Variants in BRCA1 observed in about 807,000 individuals in gnomAD.
BRCA1 encodes breast cancer type 1 susceptibility protein.
In BRCA1, 140 loss-of-function variants were observed where a neutral mutation model predicts 173.7. The ratio of observed to expected loss-of-function variants is 0.81; its 90% CI spans 0.70 to 0.93. The LOEUF (loss-of-function observed/expected upper bound fraction) is 0.93, where lower values mean the gene tolerates loss of function less well. Ranked by LOEUF, BRCA1 falls within the 40% of genes least tolerant of loss-of-function variation. The pLI is 0.00. For synonymous variants in BRCA1, 662 were observed against 756.0 expected (o/e 0.88, Z 2.04); for missense variants, 1,983 against 2,172.5 (o/e 0.91, Z 1.73).
rs80357137 is a variant in BRCA1 at position 43,074,472 on chromosome 17, T to A, written c.4534A>T (p.Ser1512Cys). 1 of 1,614,032 alleles carries A rather than the reference T, an allele frequency of 6.2e-7. No homozygotes were observed. The highest frequency in any genetic ancestry group is 8.5e-7 in the Non-Finnish European group (1 of 1,180,010). Residue 1512 changes from serine to cysteine, a missense_variant, in exon 14 of 23, where the codon AGT (serine) becomes TGT (cysteine). Physicochemically the swap from Ser to Cys is moderately radical, Grantham distance 112 (BLOSUM62 -1). Transcript: ENST00000357654. ...CTATTCTGAAGACTCCCAGAGCAAC[T>A]GTGCATGTACCACCTATCATCTAAT... ...PSLDDRWYMH[S>C]CSGSLQNRNY...
chr17:43,100,597 A>ATATGT (rs2054365242), intron 6 of BRCA1, among the ~76,000 whole-genome samples: 4 of 80,188 alleles, frequency 5.0e-5, no homozygotes, highest in African/African-American at 1.8e-4. Flanking sequence ...TATATATATT[A>ATATGT]TATATATATA....
intron 19 of BRCA1, among the ~76,000 whole-genome samples, chr17:43,051,730 G>A (rs975086177): frequency 1.4e-4 from 21 of 151,704 alleles, no homozygotes; most frequent in Non-Finnish European, 2.8e-4. Context: ...TCTGCCTCCA[G>A]GGTTCAAGCG....
intron 1 of BRCA1, among the ~76,000 whole-genome samples, chr17:43,165,487 T>TTC (rs1281520120): frequency 6.6e-6 from 1 of 151,742 alleles, no homozygotes; most frequent in African/African-American, 2.4e-5. Context: ...TATAAACTGT[T>TTC]TTTTTTTTCA....
chr17:43,120,615 A>G (rs910899696), intron 2 of BRCA1, among the ~76,000 whole-genome samples: 2 of 151,600 alleles, frequency 1.3e-5, no homozygotes, highest in African/African-American at 2.4e-5. Flanking sequence ...AATACAAAAA[A>G]TTAGCCGGGC....
At chr17:43,077,091 C>T (rs902691071) in intron 12 of BRCA1, among the ~76,000 whole-genome samples, 3 of 151,804 alleles carry the variant, frequency 2.0e-5, no homozygotes, top group South Asian at 2.1e-4. Context: ...TTCTGCATGT[C>T]GGGGGTAAAC....
intron 16 of BRCA1, among the ~76,000 whole-genome samples, chr17:43,066,626 G>A (rs1000629323): frequency 2.6e-5 from 4 of 151,624 alleles, no homozygotes; most frequent in African/African-American, 9.7e-5. Context: ...GGCCAGGCTG[G>A]TCTCGAACTC....
intron 11 of BRCA1, among the ~76,000 whole-genome samples, chr17:43,089,383 C>T (rs565787665): frequency 2.9e-4 from 44 of 152,004 alleles, no homozygotes; most frequent in African/African-American, 1.0e-3. Context: ...CATTTTTAGA[C>T]GTTGTGATAC....
intron 3 of BRCA1, 142 bp downstream of exon 3, chr17:43,115,584 T>C: frequency 1.3e-6 from 1 of 793,972 alleles, no homozygotes; most frequent in South Asian, 1.7e-5. Context: ...ATATACTCTC[T>C]GAGAAAGAAT....
rs2052922572 is a variant in BRCA1 at position 43,079,837 on chromosome 17, T to C, written c.4357+2567A>G. On this transcript the variant is annotated intron_variant, in intron 12 of 22. Coordinates refer to ENST00000357654, the MANE Select transcript of BRCA1 (RefSeq NM_007294.4). ...GGACTGTAAAAAAAAAGAAAAGTCA[T>C]TCTATCACCAGAACATTTAGCATAT... 6 of 691,746 alleles carry C rather than the reference T, an allele frequency of 8.7e-6. No individual in the cohort carries two copies. The South Asian group carries it at 9.8e-5, about 11-fold the overall frequency. 42.9% of individuals were successfully genotyped at this position (691,746 alleles called of 1,614,324 possible).
intron 6 of BRCA1, among the ~76,000 whole-genome samples, chr17:43,101,443 C>A (rs2054471087): frequency 6.6e-6 from 1 of 152,132 alleles, no homozygotes; most frequent in Non-Finnish European, 1.5e-5. Context: ...GATCCACCCG[C>A]CTTGGCCTCC....
chr17:43,123,383 G>A (rs974400011), intron 2 of BRCA1, among the ~76,000 whole-genome samples: 4 of 126,056 alleles, frequency 3.2e-5, no homozygotes, highest in Non-Finnish European at 4.7e-5. Flanking sequence ...TTGAGATGGA[G>A]TTTAGCTCTG....
At position 43,097,077 on chromosome 17, in the gene BRCA1, A is replaced by G. The variant is rs8176145; in HGVS notation, c.593+167T>C. On this transcript the variant is annotated intron_variant, in intron 8 of 22. Coordinates refer to ENST00000357654, the MANE Select transcript of BRCA1 (RefSeq NM_007294.4). Reference sequence around the variant, plus strand: ...AGTACCCGGATGATGAAAAAAATCTATACACCAAATCCCAAGTCGTGTGTT... The same window carrying G: ...AGTACCCGGATGATGAAAAAAATCTGTACACCAAATCCCAAGTCGTGTGTT... Among the ~76,000 whole-genome samples, 47,945 of 152,020 alleles carry G rather than the reference A, an allele frequency of 0.32. 7,892 individuals carry two copies. Among genetic ancestry groups the G allele is most frequent in the South Asian group, 0.49 (2,377 of 4,826 alleles).
intron 1 of BRCA1, chr17:43,160,089 T>G (rs2056225753): frequency 6.6e-6 from 1 of 151,524 alleles, no homozygotes; most frequent in Non-Finnish European, 1.5e-5. Context: ...TTGCCCAGGC[T>G]GGAGTGCAGT....
At chr17:43,125,791 T>A (rs1264703800), upstream of BRCA1, 1 of 154,316 alleles carries the variant, frequency 6.5e-6, no homozygotes, top group Non-Finnish European at 1.4e-5. Flanking sequence ...GTAATAAGGA[T>A]TGTTGGGGGG....
chr17:43,122,410 GATGT>G (rs1350907043), intron 2 of BRCA1, among the ~76,000 whole-genome samples: 1 of 152,178 alleles, frequency 6.6e-6, no homozygotes, highest in Non-Finnish European at 1.5e-5. Context: ...TGAACATACA[GATGT>G]ATGTAAACAA....
At chr17:43,139,306 T>G (rs368675428) in intron 1 of BRCA1, among the ~76,000 whole-genome samples, 33 of 151,824 alleles carry the variant, frequency 2.2e-4, no homozygotes, top group African/African-American at 6.3e-4. Context: ...TTGTGTCACA[T>G]GGGTTTGTTG....
chr17:43,105,236 A>AC (rs1471406411), intron 4 of BRCA1, among the ~76,000 whole-genome samples: 1 of 151,956 alleles, frequency 6.6e-6, no homozygotes, highest in African/African-American at 2.4e-5. Context: ...AAACTAGAGT[A>AC]CTTTTTTTTT....
chr17:43,134,581 G>T (rs931624014), intron 1 of BRCA1, among the ~76,000 whole-genome samples: 2 of 152,116 alleles, frequency 1.3e-5, no homozygotes, highest in African/African-American at 4.8e-5. Context: ...AAGGTGAAAG[G>T]ATTTCCCTAC....
intron 1 of BRCA1, among the ~76,000 whole-genome samples, chr17:43,149,551 T>TA (rs1392758226): frequency 6.6e-6 from 1 of 151,954 alleles, no homozygotes; most frequent in African/African-American, 2.4e-5. Context: ...TAAACTATAA[T>TA]AAAAGAGAAA....
Sources: gnomAD v4.1 joint callset for allele counts (sites outside exome capture counted in the v4.1 genomes callset) on GRCh38, gnomAD v4.1.1 for gene constraint, MANE v1.5 for transcripts, NCBI Gene and HGNC (gene_info 2026-07-23, HGNC 2026-07-21) for gene names.